SYNPR: variants seen among roughly 807,000 people sequenced by gnomAD.
SYNPR encodes synaptoporin.
In SYNPR, 23 loss-of-function variants were observed where a neutral mutation model predicts 32.9. The observed-to-expected ratio is 0.70, with a 90% CI of 0.50 to 0.99. The LOEUF is 0.99. Among genes scored for constraint, SYNPR ranks in the 50% least tolerant of loss-of-function variants. SYNPR has a pLI of 0.00. For synonymous variants in SYNPR, 146 were observed against 135.9 expected (o/e 1.07, Z -0.52); for missense variants, 318 against 349.3 (o/e 0.91, Z 0.71).
At chr3:63,595,821 A>T (rs1176212848) in intron 4 of SYNPR, among the ~76,000 whole-genome samples, 1 of 63,288 alleles carries the variant, frequency 1.6e-5, no homozygotes, top group Admixed American at 2.1e-4. Context: ...ATATAGTTTT[A>T]TATATATATA....
At chr3:63,260,445 A>C (rs537019317) in intron 2 of SYNPR, among the ~76,000 whole-genome samples, 1 of 152,346 alleles carries the variant, frequency 6.6e-6, no homozygotes, top group African/African-American at 2.4e-5. Context: ...ATCTTTGACA[A>C]ACCTGACAAA....
At chr3:63,606,836 T>G (rs1165434593) in intron 4 of SYNPR, among the ~76,000 whole-genome samples, 1 of 152,228 alleles carries the variant, frequency 6.6e-6, no homozygotes. Context: ...TCAACCAATT[T>G]GTTTAACCTT....
intron 2 of SYNPR, among the ~76,000 whole-genome samples, chr3:63,366,180 G>A (rs149310980): frequency 6.4e-4 from 97 of 152,184 alleles, no homozygotes; most frequent in African/African-American, 1.5e-3. Flanking sequence ...TGGAATCTCT[G>A]GTTATGTACT....
chr3:63,506,077 C>T (rs1044608462), intron 3 of SYNPR, among the ~76,000 whole-genome samples: 1 of 133,202 alleles, frequency 7.5e-6, no homozygotes, highest in African/African-American at 3.4e-5. Context: ...CTTAGATGCT[C>T]CTCCCTTCCT....
chr3:63,378,151 A>G (rs1001598661), intron 2 of SYNPR, among the ~76,000 whole-genome samples: 2 of 151,940 alleles, frequency 1.3e-5, no homozygotes, highest in African/African-American at 4.8e-5. Context: ...CTTATAATTG[A>G]TCTAGTATAA....
the SYNPR span, among the ~76,000 whole-genome samples, chr3:63,222,123 C>G: frequency 4.8e-5 from 7 of 145,534 alleles, no homozygotes; most frequent in Admixed American, 1.5e-4. Flanking sequence ...TTTGAGAAGA[C>G]CCTTTAAGCA....
intron 2 of SYNPR, among the ~76,000 whole-genome samples, chr3:63,316,091 A>G (rs2087040612): frequency 6.6e-6 from 1 of 152,078 alleles, no homozygotes; most frequent in African/African-American, 2.4e-5. Context: ...TATGAAACCC[A>G]CTTGATCATG....
chr3:63,349,517 T>C (rs1007861062), intron 2 of SYNPR, among the ~76,000 whole-genome samples: 3 of 152,246 alleles, frequency 2.0e-5, no homozygotes, highest in Non-Finnish European at 4.4e-5. Flanking sequence ...TGTAGGGATC[T>C]TTCACCTCCT....
the SYNPR span, among the ~76,000 whole-genome samples, chr3:63,208,552 C>A: frequency 2.6e-5 from 4 of 152,314 alleles, no homozygotes; most frequent in African/African-American, 9.6e-5. Flanking sequence ...TACTTTCCCA[C>A]AGAACTCAAT....
At chr3:63,247,658 G>C (rs1218407312) in intron 1 of SYNPR, among the ~76,000 whole-genome samples, 1 of 152,088 alleles carries the variant, frequency 6.6e-6, no homozygotes, top group African/African-American at 2.4e-5. Context: ...CTAACACTTG[G>C]ATGACCACTG....
chr3:63,519,783 C>A (rs1281066386), intron 3 of SYNPR, among the ~76,000 whole-genome samples: 1 of 151,972 alleles, frequency 6.6e-6, no homozygotes, highest in African/African-American at 2.4e-5. Context: ...TGTATTTGTC[C>A]CCCGAAAAAG....
chr3:63,423,253 T>C (rs1284541741), intron 2 of SYNPR, among the ~76,000 whole-genome samples: 1 of 152,212 alleles, frequency 6.6e-6, no homozygotes, highest in Non-Finnish European at 1.5e-5. Flanking sequence ...CAGAAGCAAG[T>C]ATGGAAAACA....
At chr3:63,224,976 G>C (rs570834345), upstream of SYNPR, among the ~76,000 whole-genome samples, 66 of 152,210 alleles carry the variant, frequency 4.3e-4, 3 homozygotes, top group Non-Finnish European at 2.8e-4. Flanking sequence ...GTGATAGCCT[G>C]TCCTGCTATG....
intron 2 of SYNPR, among the ~76,000 whole-genome samples, chr3:63,412,616 G>T (rs188319236): frequency 7.9e-5 from 12 of 152,130 alleles, no homozygotes; most frequent in African/African-American, 2.9e-4. Flanking sequence ...GAGGCGCAGG[G>T]ATGAGTTGTA....
chr3:63,221,875 A>G, the SYNPR span, among the ~76,000 whole-genome samples: 1 of 152,128 alleles, frequency 6.6e-6, no homozygotes, highest in African/African-American at 2.4e-5. Context: ...ACTAAATTAA[A>G]TATCTCTAAA....
intron 3 of SYNPR, among the ~76,000 whole-genome samples, chr3:63,507,542 G>T (rs1485019924): frequency 6.6e-6 from 1 of 152,162 alleles, no homozygotes; most frequent in Non-Finnish European, 1.5e-5. Context: ...GACTGTCACA[G>T]ATTGATGGAA....
Position 63,417,734 on chromosome 3 carries a change from G to C in SYNPR, c.85-63098G>C, listed in dbSNP as rs113869319. Among the ~76,000 whole-genome samples, 44 of 152,336 alleles carry C rather than the reference G, an allele frequency of 2.9e-4. 1 individual carries two copies. Among genetic ancestry groups the C allele is most frequent in the African/African-American group, 1.0e-3 (42 of 41,580 alleles). On this transcript the variant is annotated intron_variant, in intron 2 of 5. Transcript: ENST00000478300. ...TGGAAGCTGCCAAGGCTTGGGGCTT[G>C]CACCCTCTGAAGCCACAGCCTGAAC...
intron 5 of SYNPR, among the ~76,000 whole-genome samples, chr3:63,614,795 T>C (rs1700253398): frequency 6.6e-6 from 1 of 152,330 alleles, no homozygotes; most frequent in Non-Finnish European, 1.5e-5. Context: ...CTGTGCCATC[T>C]GGAAATAATC....
chr3:63,601,307 G>A (rs1392113414), intron 4 of SYNPR, among the ~76,000 whole-genome samples: 5 of 151,850 alleles, frequency 3.3e-5, no homozygotes, highest in African/African-American at 1.2e-4. Context: ...CCTGTTGTGA[G>A]GTTGCTGTCT....
Sources: gnomAD v4.1 joint callset for allele counts (sites outside exome capture counted in the v4.1 genomes callset) on GRCh38, gnomAD v4.1.1 for gene constraint, MANE v1.5 for transcripts, NCBI Gene and HGNC (gene_info 2026-07-23, HGNC 2026-07-21) for gene names.